Variants in SLC41A3 observed in about 807,000 individuals in gnomAD.
SLC41A3 encodes solute carrier family 41 member 3, also known as SLC41A1-like 2.
A neutral mutation model predicts 45.4 loss-of-function variants in SLC41A3; 44 were observed. The observed-to-expected ratio is 0.97, with a 90% CI of 0.76 to 1.25. The LOEUF (loss-of-function observed/expected upper bound fraction) is 1.25, where lower values mean the gene tolerates loss of function less well. SLC41A3 is among the 50% of genes most tolerant of loss of function. The pLI, the probability that SLC41A3 is intolerant of heterozygous loss-of-function variation, is 0.00. For missense variants in SLC41A3, 550 were observed against 600.6 expected, an observed-to-expected ratio of 0.92 and a Z score of 0.88; for synonymous variants, 256 against 252.4, an observed-to-expected ratio of 1.01 and a Z score of -0.13.
intron 2 of SLC41A3, among the ~76,000 whole-genome samples, chr3:126,052,049 T>C (rs1943371052): frequency 1.3e-5 from 2 of 152,162 alleles, no homozygotes; most frequent in Non-Finnish European, 2.9e-5. Context: ...TCCTTTCTGC[T>C]CTCAGACCAA....
Position 126,033,602 on chromosome 3 carries a change from C to A in SLC41A3, c.453+5G>T. The A allele has an allele frequency of 6.2e-7, 1 of 1,611,432 alleles. No individual in the cohort carries two copies. Among genetic ancestry groups the A allele is most frequent in the Non-Finnish European group, 8.5e-7 (1 of 1,179,326 alleles). The stretch of plus-strand genomic sequence containing the variant: ...AAGGGAGGGTCGGACAAGGTGAAGA[C>A]TCACCTGGATGAGGGCCAGGTTGCT... On this transcript the variant is annotated splice_donor_5th_base_variant and intron_variant, in intron 4 of 10. Transcript: ENST00000360370.
intron 4 of SLC41A3, 68 bp downstream of exon 4, chr3:126,033,539 C>T (rs1941958288): frequency 1.9e-6 from 3 of 1,550,734 alleles, no homozygotes; most frequent in East Asian, 4.5e-5. Context: ...GCTTAGCCTT[C>T]ACCCTTCCCA....
chr3:126,063,104 C>T (rs890823315), intron 2 of SLC41A3, among the ~76,000 whole-genome samples: 14 of 152,198 alleles, frequency 9.2e-5, no homozygotes, highest in African/African-American at 2.4e-4. Context: ...TTCTCACAGA[C>T]GTTGTGCCTG....
chr3:126,031,393 G>C (rs1941785252), intron 4 of SLC41A3, among the ~76,000 whole-genome samples: 2 of 152,200 alleles, frequency 1.3e-5, no homozygotes, highest in South Asian at 2.1e-4. Context: ...AATCTTTCAA[G>C]TAAGTCAAAG....
At chr3:126,067,028 CTGTGTCAATG>C (rs56941202) in intron 2 of SLC41A3, among the ~76,000 whole-genome samples, 51,175 of 149,772 alleles carry the variant, frequency 0.34, 9,111 homozygotes, top group East Asian at 0.51. Flanking sequence ...GGCAAAATAT[CTGTGTCAATG>C]TGTGTCAATG....
rs1219282329 is a variant in SLC41A3, at chr3:126,067,091, C to CAG, written c.273+855_273+856insCT. ...ACTGGGTCAGGGTCTGTGGGTTGGA[C>CAG]CGCCCCCCCGCCCCCCGCCCCGGCC... is the stretch of plus-strand genomic sequence containing the variant. On this transcript the variant is annotated intron_variant, in intron 2 of 10. Coordinates refer to ENST00000360370, the MANE Select transcript of SLC41A3 (RefSeq NM_017836.4). Among the ~76,000 whole-genome samples, 32 of 109,418 alleles carry CAG rather than the reference C, an allele frequency of 2.9e-4. 3 individuals carry two copies. The highest frequency in any genetic ancestry group is 8.8e-4 in the African/African-American group (25 of 28,446). 71.8% of individuals were successfully genotyped at this position (109,418 alleles called of 152,430 possible).
intron 1 of SLC41A3, among the ~76,000 whole-genome samples, chr3:126,083,407 A>C (rs1945263542): frequency 6.6e-6 from 1 of 152,202 alleles, no homozygotes; most frequent in Admixed American, 6.5e-5. Flanking sequence ...AAAGAGGAAA[A>C]AATAAACAAA....
intron 2 of SLC41A3, among the ~76,000 whole-genome samples, chr3:126,061,881 A>G (rs1169526498): frequency 6.6e-6 from 1 of 152,086 alleles, no homozygotes; most frequent in African/African-American, 2.4e-5. Flanking sequence ...TCCCACCCTA[A>G]AGGGTTATTT....
At chr3:126,096,634 C>A (rs1282543127) in intron 1 of SLC41A3, among the ~76,000 whole-genome samples, 2 of 152,272 alleles carry the variant, frequency 1.3e-5, no homozygotes, top group African/African-American at 4.8e-5. Flanking sequence ...GATAACTAGC[C>A]AGACCCACCC....
At position 126,022,949 on chromosome 3, in the gene SLC41A3, G is replaced by A; in HGVS notation, c.599-17C>T. The stretch of plus-strand genomic sequence containing the variant: ...TCAGCACCCCTGCAGAGAGAGAGAG[G>A]AGAAACAGCAGACTCAAATCCCAGG... On this transcript the variant is annotated splice_polypyrimidine_tract_variant and intron_variant, in intron 5 of 10. Transcript: ENST00000360370. 1 of 1,613,342 alleles carries A rather than the reference G, an allele frequency of 6.2e-7. No homozygotes were observed. The highest frequency in any genetic ancestry group is 8.5e-7 in the Non-Finnish European group (1 of 1,179,552).
intron 2 of SLC41A3, 132 bp downstream of exon 2, chr3:126,067,815 T>G: frequency 8.7e-7 from 1 of 1,152,142 alleles, no homozygotes; most frequent in Non-Finnish European, 1.2e-6. Flanking sequence ...TTGCCCAATA[T>G]ATAGAAAAAA....
At position 126,068,061 on chromosome 3, in the gene SLC41A3, C is replaced by T; in HGVS notation, c.159G>A (p.Leu53=). The change falls in exon 2 of 11, where the codon CTG becomes CTA. Residue 53 remains leucine (L), a synonymous_variant. Coordinates refer to ENST00000360370, the MANE Select transcript of SLC41A3 (RefSeq NM_017836.4). The stretch of plus-strand genomic sequence containing the variant: ...TGGTCTCCCTGCTAGGCTCAGTCTC[C>T]AGTGGCTTGGGGGTCACGCTTTGGC... The part of the protein sequence containing the change: ...PESQSVTPKP[L]ETEPSRETTW... 2 of 1,613,976 alleles carry T rather than the reference C, an allele frequency of 1.2e-6. No homozygotes were observed. The highest frequency in any genetic ancestry group is 8.5e-7 in the Non-Finnish European group (1 of 1,179,986).
At chr3:126,054,371 T>G (rs929571496) in intron 2 of SLC41A3, among the ~76,000 whole-genome samples, 7 of 152,126 alleles carry the variant, frequency 4.6e-5, no homozygotes, top group Non-Finnish European at 4.4e-5. Flanking sequence ...TCCATGGAGC[T>G]GCACAGTTGT....
chr3:126,026,555 C>T lies in SLC41A3; in HGVS notation c.454-76G>A. ...CACTCCCTGCCCTTCACACCTCACT[C>T]ACCGCAAGGGGCCGGGTGCCACATG... On this transcript the variant is annotated intron_variant, in intron 4 of 10. Coordinates refer to ENST00000360370, the MANE Select transcript of SLC41A3 (RefSeq NM_017836.4). The surrounding 1 kb of genome is among the most constrained non-coding windows in gnomAD (Gnocchi z 4.2). 6.5e-7 allele frequency: 1 copy of T among 1,538,318 alleles called. No homozygotes were observed. Among genetic ancestry groups the T allele is most frequent in the South Asian group, 1.2e-5 (1 of 81,886 alleles).
intron 6 of SLC41A3, 94 bp downstream of exon 6, chr3:126,022,692 G>C (rs767362901): frequency 6.1e-6 from 9 of 1,467,918 alleles, no homozygotes; most frequent in Non-Finnish European, 7.5e-6. Flanking sequence ...CACATGGGCT[G>C]GGTGCAAAAG....
At chr3:126,028,223 C>A (rs1576253531) in intron 4 of SLC41A3, among the ~76,000 whole-genome samples, 1 of 152,224 alleles carries the variant, frequency 6.6e-6, no homozygotes, top group Admixed American at 6.5e-5. Flanking sequence ...TTATTGGCAG[C>A]CCCTCCCCTC....
chr3:126,033,811 T>C, intron 3 of SLC41A3, 133 bp from the exon 4 acceptor site: 1 of 910,806 alleles, frequency 1.1e-6, no homozygotes, highest in Non-Finnish European at 1.7e-6. Context: ...AAAATTCCTC[T>C]GCTCAGCTCT....
intron 2 of SLC41A3, among the ~76,000 whole-genome samples, chr3:126,066,391 T>G (rs532906648): frequency 6.6e-6 from 1 of 152,350 alleles, no homozygotes; most frequent in East Asian, 1.9e-4. Flanking sequence ...AGATAATACA[T>G]GCTATCATAT....
chr3:126,051,082 A>G (rs1054591915), intron 2 of SLC41A3, 32 bp from the exon 3 acceptor site: 1 of 1,550,044 alleles, frequency 6.5e-7, no homozygotes, highest in Non-Finnish European at 8.7e-7. Flanking sequence ...GATAAGCCAA[A>G]CACACACATC....
Sources: allele counts gnomAD v4.1 joint callset (sites outside exome capture counted in the v4.1 genomes callset), GRCh38; gene constraint gnomAD v4.1.1; non-coding constraint Gnocchi (gnomAD v3.1); transcripts MANE v1.5; gene names NCBI Gene and HGNC (gene_info 2026-07-23, HGNC 2026-07-21).